PARD3B: variants seen among roughly 807,000 people sequenced by gnomAD.
The protein encoded by PARD3B is par-3 family cell polarity regulator beta, also known as partitioning defective 3 homolog B.
A neutral mutation model predicts 130.2 loss-of-function variants in PARD3B; 103 were observed. The observed-to-expected ratio is 0.79, with a 90% CI of 0.67 to 0.93. PARD3B has a LOEUF of 0.93. Ranked by LOEUF, PARD3B falls within the 40% of genes least tolerant of loss-of-function variation. The pLI is 0.00. For synonymous variants in PARD3B, 583 were observed against 553.2 expected, an observed-to-expected ratio of 1.05 and a Z score of -0.76; for missense variants, 1,609 against 1,499.2, an observed-to-expected ratio of 1.07 and a Z score of -1.21.
chr2:204,687,064 G>A (rs1342019564), intron 2 of PARD3B, among the ~76,000 whole-genome samples: 1 of 152,018 alleles, frequency 6.6e-6, no homozygotes, highest in Non-Finnish European at 1.5e-5. Context: ...GTTTGTACAA[G>A]GCTAATTTAT....
chr2:205,524,439 A>T (rs2051241817), intron 21 of PARD3B, among the ~76,000 whole-genome samples: 1 of 152,166 alleles, frequency 6.6e-6, no homozygotes, highest in South Asian at 2.1e-4. Flanking sequence ...CAATACTTGG[A>T]GGAGAACTTT....
At chr2:204,891,982 T>C (rs946277538) in intron 2 of PARD3B, among the ~76,000 whole-genome samples, 1 of 152,190 alleles carries the variant, frequency 6.6e-6, no homozygotes, top group African/African-American at 2.4e-5. Context: ...TGATTATTCA[T>C]TTATTTATTT....
In PARD3B at chr2:205,121,077, T is replaced by C. The variant is rs2030652274; in HGVS notation, c.807-514T>C. Among the ~76,000 whole-genome samples the C allele has an allele frequency of 6.6e-6, 1 of 152,222 alleles. No homozygotes were observed. Among genetic ancestry groups the C allele is most frequent in the South Asian group, 2.1e-4 (1 of 4,834 alleles). On this transcript the variant is annotated intron_variant, in intron 7 of 22. Coordinates refer to ENST00000406610, the MANE Select transcript of PARD3B (RefSeq NM_001302769.2). This position sits in a 1 kb window ranked among gnomAD's most constrained non-coding sequence, Gnocchi z 5.0. ...CAAAGCACCTGCCAAAATGTCTCCA[T>C]GAGCAAACATGGATGTCAAACTTGA... is the stretch of plus-strand genomic sequence containing the variant.
chr2:204,872,861 G>T (rs540071868), intron 2 of PARD3B, among the ~76,000 whole-genome samples: 19 of 152,160 alleles, frequency 1.2e-4, no homozygotes, highest in African/African-American at 4.1e-4. Flanking sequence ...ATTGTGAATT[G>T]TATCCTTTTA....
chr2:204,725,591 T>G (rs1208285724), intron 2 of PARD3B, among the ~76,000 whole-genome samples: 1 of 152,182 alleles, frequency 6.6e-6, no homozygotes, highest in Non-Finnish European at 1.5e-5. Context: ...CCACTCGTCA[T>G]CTTCAGGATG....
intron 5 of PARD3B, among the ~76,000 whole-genome samples, chr2:205,108,170 T>C (rs1417292623): frequency 1.3e-5 from 2 of 152,212 alleles, no homozygotes; most frequent in African/African-American, 4.8e-5. Flanking sequence ...AAGCCTCTGT[T>C]ACTCTATTAG....
At chr2:205,496,191 T>G (rs1413062744) in intron 20 of PARD3B, among the ~76,000 whole-genome samples, 3 of 152,212 alleles carry the variant, frequency 2.0e-5, no homozygotes, top group Non-Finnish European at 4.4e-5. Flanking sequence ...TTCTACATCT[T>G]CAGTGCAATA....
chr2:205,082,630 A>T (rs1271173956), intron 4 of PARD3B, among the ~76,000 whole-genome samples: 1 of 152,150 alleles, frequency 6.6e-6, no homozygotes, highest in African/African-American at 2.4e-5. Flanking sequence ...TTTCAAAAAA[A>T]AATCAGTTTG....
At chr2:204,660,678 A>G (rs1341209118) in intron 1 of PARD3B, among the ~76,000 whole-genome samples, 1 of 152,122 alleles carries the variant, frequency 6.6e-6, no homozygotes, top group Non-Finnish European at 1.5e-5. Flanking sequence ...TTGATCCTTT[A>G]AAGAAGTTAC....
chr2:205,292,630 A>G lies in PARD3B; in HGVS notation c.2186-7900A>G, dbSNP rs62171477. 0.071 allele frequency among the ~76,000 whole-genome samples: 10,799 copies of G among 152,216 alleles called. 554 individuals are homozygous for G. Among genetic ancestry groups the G allele is most frequent in the African/African-American group, 0.15 (6,259 of 41,504 alleles). On this transcript the variant is annotated intron_variant, in intron 16 of 22. Transcript: ENST00000406610. The surrounding 1 kb of genome is among the most constrained non-coding windows in gnomAD (Gnocchi z 5.3). ...CAGACACACAGTCCCTCAAGGGCACACTGTCATTGAGATGGAAGGTAAGTG... is the reference window on the plus strand; with the variant it reads ...CAGACACACAGTCCCTCAAGGGCACGCTGTCATTGAGATGGAAGGTAAGTG...
chr2:205,302,688 G>A (rs1266054983), intron 18 of PARD3B, among the ~76,000 whole-genome samples: 2 of 152,164 alleles, frequency 1.3e-5, no homozygotes, highest in Non-Finnish European at 1.5e-5. Context: ...GACTCTAGGT[G>A]TGCAGTGGCC....
At chr2:205,097,335 A>G (rs961870467) in intron 4 of PARD3B, among the ~76,000 whole-genome samples, 6 of 152,186 alleles carry the variant, frequency 3.9e-5, no homozygotes, top group Non-Finnish European at 5.9e-5. Context: ...AGAACACTGA[A>G]CTGAGTATCA....
At chr2:204,882,724 G>A (rs2046101859) in intron 2 of PARD3B, among the ~76,000 whole-genome samples, 1 of 152,192 alleles carries the variant, frequency 6.6e-6, no homozygotes, top group Admixed American at 6.5e-5. Context: ...TCACCTGCAA[G>A]CTTATTAGAA....
intron 1 of PARD3B, among the ~76,000 whole-genome samples, chr2:204,586,714 C>G (rs776563981): frequency 6.6e-6 from 1 of 152,304 alleles, no homozygotes; most frequent in Non-Finnish European, 1.5e-5. Context: ...GGCAGAGACA[C>G]AGCTTGTGGT....
At chr2:205,465,861 C>T (rs1391148917) in intron 20 of PARD3B, among the ~76,000 whole-genome samples, 2 of 152,120 alleles carry the variant, frequency 1.3e-5, no homozygotes, top group African/African-American at 2.4e-5. Context: ...ATTAATTGAC[C>T]AGTGATAGGT....
In PARD3B at chr2:205,595,840, T is replaced by C. The variant is rs551634020; in HGVS notation, c.3261-19616T>C. Among the ~76,000 whole-genome samples the C allele has an allele frequency of 4.6e-5, 7 of 152,196 alleles. No homozygotes were observed. The South Asian group carries it at 1.5e-3, about 32-fold the overall frequency. On this transcript the variant is annotated intron_variant, in intron 22 of 22. Coordinates refer to ENST00000406610, the MANE Select transcript of PARD3B (RefSeq NM_001302769.2). ...CAATGGCCCTGGACCCACATACTAG[T>C]TTGCTAAAAGGAGTGAGAGTAGGTC...
chr2:205,314,030 T>C (rs1398292198), intron 18 of PARD3B, among the ~76,000 whole-genome samples: 2 of 152,224 alleles, frequency 1.3e-5, no homozygotes, highest in African/African-American at 4.8e-5. Flanking sequence ...ATTCCTGAGT[T>C]CCTGGTGGGA....
At chr2:205,401,230 G>T in intron 19 of PARD3B, 107 bp downstream of exon 19, 3 of 854,786 alleles carry the variant, frequency 3.5e-6, no homozygotes, top group Admixed American at 5.1e-5. Flanking sequence ...AAGTATAGGG[G>T]TTGACCGATC....
chr2:204,640,534 C>T (rs927713218), intron 1 of PARD3B, among the ~76,000 whole-genome samples: 4 of 152,154 alleles, frequency 2.6e-5, no homozygotes, highest in African/African-American at 9.7e-5. Flanking sequence ...TGTTCCCTTT[C>T]CTTGTCCCTT....
Sources: gnomAD v4.1 joint callset for allele counts (sites outside exome capture counted in the v4.1 genomes callset) on GRCh38, gnomAD v4.1.1 for gene constraint, Gnocchi (gnomAD v3.1) non-coding constraint, MANE v1.5 for transcripts, NCBI Gene and HGNC (gene_info 2026-07-23, HGNC 2026-07-21) for gene names.